PAK6: variants seen among roughly 807,000 people sequenced by gnomAD.
PAK6 encodes p21 (RAC1) activated kinase 6.
In PAK6, 33 loss-of-function variants were observed where a neutral mutation model predicts 60.8. The observed-to-expected ratio is 0.54, with a 90% CI of 0.41 to 0.73. The LOEUF (loss-of-function observed/expected upper bound fraction) is 0.73, where lower values mean the gene tolerates loss of function less well. Among genes scored for constraint, PAK6 ranks in the 30% least tolerant of loss-of-function variants. The pLI is 0.00. For synonymous variants in PAK6, 404 were observed against 378.5 expected, an observed-to-expected ratio of 1.07 and a Z score of -0.78; for missense variants, 845 against 904.1, an observed-to-expected ratio of 0.93 and a Z score of 0.84.
intron 6 of PAK6, 38 bp downstream of exon 6, chr15:40,272,759 G>C (rs373390101): frequency 4.3e-5 from 68 of 1,578,556 alleles, no homozygotes; most frequent in Non-Finnish European, 5.8e-5. Context: ...GGGGCGTTGG[G>C]GATGGGCAGT....
intron 4 of PAK6, among the ~76,000 whole-genome samples, chr15:40,265,229 G>A (rs936215): frequency 0.96 from 145,775 of 152,322 alleles, 69,810 homozygotes; most frequent in East Asian, 0.99. Flanking sequence ...ATGAAAATGT[G>A]AGATGCTCAA....
At chr15:40,257,582 C>A (rs2140965561) in intron 3 of PAK6, among the ~76,000 whole-genome samples, 1 of 152,362 alleles carries the variant, frequency 6.6e-6, no homozygotes, top group South Asian at 2.1e-4. Context: ...CTGGAAATGC[C>A]AGAGCATGTT....
At chr15:40,275,797 GAGGGACA>G in intron 10 of PAK6, 123 bp from the exon 11 acceptor site, 2 of 806,662 alleles carry the variant, frequency 2.5e-6, no homozygotes, top group East Asian at 5.0e-5. Flanking sequence ...AGGGGGTGGG[GAGGGACA>G]AGGGAACAGG....
At chr15:40,257,403 G>A (rs2038866515) in intron 3 of PAK6, among the ~76,000 whole-genome samples, 1 of 152,230 alleles carries the variant, frequency 6.6e-6, no homozygotes, top group African/African-American at 2.4e-5. Flanking sequence ...TTCCTTGAAA[G>A]GGACTCAGTA....
At chr15:40,247,451 G>T (rs562408560) in intron 2 of PAK6, 12 of 152,336 alleles carry the variant, frequency 7.9e-5, no homozygotes, top group African/African-American at 2.9e-4. Flanking sequence ...CCTGGGACGG[G>T]CGCCGCAGCC....
intron 2 of PAK6, among the ~76,000 whole-genome samples, chr15:40,244,181 A>G (rs1273572728): frequency 6.6e-6 from 1 of 151,792 alleles, no homozygotes; most frequent in Non-Finnish European, 1.5e-5. Context: ...AATACAAAAA[A>G]TTAGCTGGAC....
At chr15:40,264,791 C>T in exon 4 of PAK6, 1 of 1,613,726 alleles carries the variant, frequency 6.2e-7, no homozygotes. Context: ...GCACCATGTT[C>T]CGCAAGAAAA....
chr15:40,262,409 C>T (rs1365632383), intron 3 of PAK6, among the ~76,000 whole-genome samples: 1 of 152,130 alleles, frequency 6.6e-6, no homozygotes, highest in Non-Finnish European at 1.5e-5. Context: ...GAGGCTGAGG[C>T]AAGAGAATCA....
chr15:40,252,526 C>CCTGA (rs1566845448), intron 2 of PAK6: 1 of 1,363,040 alleles, frequency 7.3e-7, no homozygotes, highest in East Asian at 4.6e-5. Flanking sequence ...CCGCGTCCTA[C>CCTGA]CTGAGGCCAC....
chr15:40,258,006 G>A (rs1436442479), intron 3 of PAK6, among the ~76,000 whole-genome samples: 1 of 152,246 alleles, frequency 6.6e-6, no homozygotes, highest in African/African-American at 2.4e-5. Flanking sequence ...GTGCTGGACA[G>A]AACACACGCC....
rs760793392 is a variant in PAK6, at chr15:40,266,318, CCGGCCACAGTCCTGCCTGGTGGGCT to C, written c.683_707del (p.Arg228GlnfsTer21). The C allele has an allele frequency of 8.7e-6, 14 of 1,611,874 alleles. No individual in the cohort carries two copies. Among genetic ancestry groups the C allele is most frequent in the South Asian group, 2.2e-5 (2 of 90,952 alleles). ...CTGCCAAGCATGGCTCTGAGGAGGC[CCGGCCACAGTCCTGCCTGGTGGGCT>C]CAGCCACAGGCAGGCCAGGTGGGGA... On this transcript the variant is annotated frameshift_variant, in exon 5 of 11. Coordinates refer to ENST00000560346, the Ensembl canonical transcript of PAK6. LOFTEE classifies it high-confidence loss of function.
chr15:40,241,695 C>A (rs1255901291), intron 2 of PAK6, among the ~76,000 whole-genome samples: 1 of 152,120 alleles, frequency 6.6e-6, no homozygotes, highest in African/African-American at 2.4e-5. Context: ...CTCTCCAGTG[C>A]CCCGAGGACA....
intron 2 of PAK6, among the ~76,000 whole-genome samples, chr15:40,243,884 T>G (rs898076579): frequency 3.3e-5 from 5 of 152,198 alleles, no homozygotes; most frequent in African/African-American, 1.2e-4. Flanking sequence ...TTTTGGGGAC[T>G]GGAAGCTTTT....
intron 2 of PAK6, among the ~76,000 whole-genome samples, chr15:40,244,394 T>G (rs969926664): frequency 2.4e-5 from 3 of 122,806 alleles, no homozygotes; most frequent in African/African-American, 9.3e-5. Flanking sequence ...TTTCTCTTTT[T>G]TTCTTTTTAT....
intron 5 of PAK6, among the ~76,000 whole-genome samples, chr15:40,268,264 G>A (rs1300781715): frequency 6.6e-6 from 1 of 152,170 alleles, no homozygotes; most frequent in East Asian, 1.9e-4. Flanking sequence ...CCGGGCCGGG[G>A]CTTCTCAGCG....
intron 1 of PAK6, 158 bp from the exon 2 acceptor site, chr15:40,240,441 G>A (rs929940594): frequency 1.4e-5 from 5 of 345,634 alleles, no homozygotes; most frequent in Admixed American, 7.7e-5. Flanking sequence ...GCAGCTTTGC[G>A]GGCACCAGTG....
intron 2 of PAK6, chr15:40,252,569 C>G (rs372777407): frequency 6.6e-6 from 9 of 1,359,340 alleles, no homozygotes; most frequent in Non-Finnish European, 7.8e-6. Context: ...CAGGTGAAGC[C>G]GGCGCTGCAC....
At chr15:40,254,042 G>A (rs1332528389) in intron 3 of PAK6, among the ~76,000 whole-genome samples, 1 of 152,200 alleles carries the variant, frequency 6.6e-6, no homozygotes, top group African/African-American at 2.4e-5. Flanking sequence ...TCAGCCTGCA[G>A]TGCCATGAAT....
At chr15:40,267,551 C>G (rs1197175456) in intron 5 of PAK6, among the ~76,000 whole-genome samples, 2 of 152,146 alleles carry the variant, frequency 1.3e-5, no homozygotes, top group African/African-American at 4.8e-5. Context: ...CCAAGCTACT[C>G]AGGAGGCTGA....
Sources: gnomAD v4.1 joint callset for allele counts (sites outside exome capture counted in the v4.1 genomes callset) on GRCh38, gnomAD v4.1.1 for gene constraint, MANE v1.5 for transcripts, NCBI Gene and HGNC (gene_info 2026-07-23, HGNC 2026-07-21) for gene names.